AFG1L: variants seen among roughly 807,000 people sequenced by gnomAD.
AFG1L encodes AFG1 like ATPase, also known as AFG1-like ATPase.
A neutral mutation model predicts 62.2 loss-of-function variants in AFG1L; 53 were observed. That is an observed-to-expected ratio of 0.85 (90% confidence interval 0.68 to 1.07). AFG1L has a LOEUF of 1.07. Ranked by LOEUF, AFG1L falls within the 50% of genes least tolerant of loss-of-function variation. The pLI is 0.00. For synonymous variants in AFG1L, 228 were observed against 210.3 expected, an observed-to-expected ratio of 1.08 and a Z score of -0.73; for missense variants, 555 against 590.5, an observed-to-expected ratio of 0.94 and a Z score of 0.62.
chr6:108,347,404 T>C (rs1268225294), intron 3 of AFG1L, among the ~76,000 whole-genome samples: 1 of 152,242 alleles, frequency 6.6e-6, no homozygotes, highest in Non-Finnish European at 1.5e-5. Context: ...CTGTTCTTTT[T>C]TACTTTTAAT....
intron 8 of AFG1L, among the ~76,000 whole-genome samples, chr6:108,459,074 A>G (rs1004165171): frequency 3.3e-5 from 5 of 152,096 alleles, no homozygotes; most frequent in African/African-American, 7.2e-5. Flanking sequence ...AACATGAACT[A>G]TTCCTGGCCA....
At chr6:108,348,010 T>C (rs1217291391) in intron 3 of AFG1L, among the ~76,000 whole-genome samples, 1 of 152,078 alleles carries the variant, frequency 6.6e-6, no homozygotes, top group Non-Finnish European at 1.5e-5. Context: ...GGGGATATTA[T>C]CTTAGTAACA....
rs148889246 is a variant in AFG1L, at chr6:108,339,645, A to G, written c.364-7343A>G. 6.0e-3 allele frequency among the ~76,000 whole-genome samples: 918 copies of G among 152,014 alleles called. 15 individuals carry two copies. The highest frequency in any genetic ancestry group is 0.021 in the African/African-American group (885 of 41,462). ...TGGCTAATTTTTGTATTTTTAGTAG[A>G]AACGGGGTTTCACCATGTTGGCTAG... On this transcript the variant is annotated intron_variant, in intron 2 of 12. Transcript: ENST00000368977.
chr6:108,452,511 T>C (rs1254381071), intron 8 of AFG1L, among the ~76,000 whole-genome samples: 3 of 152,174 alleles, frequency 2.0e-5, no homozygotes, highest in Non-Finnish European at 4.4e-5. Flanking sequence ...ACAAACACTG[T>C]GCCCTCCACA....
chr6:108,525,417 T>C lies in AFG1L; in HGVS notation c.*2992T>C, dbSNP rs1242020018. On this transcript the variant is annotated 3_prime_UTR_variant, in exon 13 of 13. Coordinates refer to ENST00000368977, the MANE Select transcript of AFG1L (RefSeq NM_145315.5). ...CAAATTTATGCATTTTCAGTGGGAC[T>C]TCAAATTTTAATAATAAGGCAATAC... The C allele has an allele frequency of 2.0e-5, 3 of 152,228 alleles. No individual in the cohort carries two copies. Among genetic ancestry groups the C allele is most frequent in the Non-Finnish European group, 2.9e-5 (2 of 68,042 alleles). 9.4% of individuals were successfully genotyped at this position (152,228 alleles called of 1,614,324 possible). A position where few individuals can be genotyped will look rare whatever the true frequency, so the allele number is the denominator to read the frequency against.
intron 7 of AFG1L, among the ~76,000 whole-genome samples, chr6:108,414,641 C>T (rs1782276834): frequency 1.3e-5 from 2 of 152,154 alleles, no homozygotes; most frequent in African/African-American, 4.8e-5. Flanking sequence ...AAAAGTAATC[C>T]ATCACATAAA....
chr6:108,503,945 A>G (rs1377982492), intron 10 of AFG1L, among the ~76,000 whole-genome samples: 1 of 152,134 alleles, frequency 6.6e-6, no homozygotes, highest in Non-Finnish European at 1.5e-5. Context: ...CTGGTTTCCG[A>G]TTTTTCTTCT....
chr6:108,446,984 A>G (rs1643093573), intron 7 of AFG1L, among the ~76,000 whole-genome samples: 1 of 152,220 alleles, frequency 6.6e-6, no homozygotes, highest in African/African-American at 2.4e-5. Context: ...TTCAGAAAAC[A>G]TGATGCAAAT....
intron 8 of AFG1L, among the ~76,000 whole-genome samples, chr6:108,455,398 C>T (rs185618357): frequency 2.2e-3 from 331 of 152,186 alleles, no homozygotes; most frequent in Non-Finnish European, 3.9e-3. Context: ...TTTTTCTGAT[C>T]ATGCTTACTG....
rs564378340 is a variant in AFG1L at position 108,486,214 on chromosome 6, G to A, written c.1062+8922G>A. Reference sequence around the variant, plus strand: ...TTTTTTAAAAAGCTTTAACACTGATGGTTTTTCTATTGCTTACCTGTCAAC... The same window carrying A: ...TTTTTTAAAAAGCTTTAACACTGATAGTTTTTCTATTGCTTACCTGTCAAC... On this transcript the variant is annotated intron_variant, in intron 10 of 12. Coordinates refer to ENST00000368977, the MANE Select transcript of AFG1L (RefSeq NM_145315.5). Among the ~76,000 whole-genome samples, 3 of 152,060 alleles carry A rather than the reference G, an allele frequency of 2.0e-5. No individual in the cohort carries two copies. The South Asian group carries it at 6.2e-4, about 32-fold the overall frequency.
chr6:108,506,107 A>G (rs951294809), intron 10 of AFG1L, among the ~76,000 whole-genome samples: 2 of 152,144 alleles, frequency 1.3e-5, no homozygotes, highest in Non-Finnish European at 2.9e-5. Flanking sequence ...TCCATGGGTA[A>G]TTGGTTCCAG....
At chr6:108,396,555 A>G (rs141900344) in intron 6 of AFG1L, among the ~76,000 whole-genome samples, 586 of 151,988 alleles carry the variant, frequency 3.9e-3, no homozygotes, top group Non-Finnish European at 7.0e-3. Context: ...CAGTGGTGCA[A>G]TCTTGGCTCA....
chr6:108,306,604 A>G (rs1369775352), intron 1 of AFG1L, among the ~76,000 whole-genome samples: 1 of 152,140 alleles, frequency 6.6e-6, no homozygotes, highest in East Asian at 1.9e-4. Flanking sequence ...TATTTCTCCC[A>G]TTCATTCATT....
At chr6:108,391,305 T>G (rs545867274) in intron 6 of AFG1L, among the ~76,000 whole-genome samples, 1 of 152,302 alleles carries the variant, frequency 6.6e-6, no homozygotes, top group Admixed American at 6.5e-5. Context: ...ATTTTTTGAT[T>G]TTTTGATTAT....
intron 10 of AFG1L, among the ~76,000 whole-genome samples, chr6:108,491,102 C>T (rs566985142): frequency 2.6e-5 from 4 of 152,258 alleles, no homozygotes; most frequent in Admixed American, 2.6e-4. Flanking sequence ...GATACACACA[C>T]ACAACCATAT....
chr6:108,342,664 A>C (rs935412164), intron 2 of AFG1L, among the ~76,000 whole-genome samples: 1 of 152,188 alleles, frequency 6.6e-6, no homozygotes, highest in Non-Finnish European at 1.5e-5. Flanking sequence ...AAATAATTTC[A>C]ATAATTATTA....
chr6:108,397,374 C>A (rs1035310020), intron 6 of AFG1L, among the ~76,000 whole-genome samples: 26 of 152,270 alleles, frequency 1.7e-4, no homozygotes, highest in Admixed American at 1.1e-3. Flanking sequence ...GTGATCCACG[C>A]CCCCTTGGCC....
intron 7 of AFG1L, among the ~76,000 whole-genome samples, chr6:108,428,885 TTACTC>T (rs1770941984): frequency 6.6e-6 from 1 of 152,208 alleles, no homozygotes; most frequent in South Asian, 2.1e-4. Flanking sequence ...GGTTGTCTGT[TTACTC>T]TAATGATTAT....
intron 6 of AFG1L, among the ~76,000 whole-genome samples, chr6:108,380,945 C>T (rs914456900): frequency 2.0e-5 from 3 of 152,214 alleles, no homozygotes; most frequent in Admixed American, 1.3e-4. Flanking sequence ...TGGCATTCTC[C>T]TCCGTGGGTT....
Sources: gnomAD v4.1 joint callset for allele counts (sites outside exome capture counted in the v4.1 genomes callset) on GRCh38, gnomAD v4.1.1 for gene constraint, MANE v1.5 for transcripts, NCBI Gene and HGNC (gene_info 2026-07-23, HGNC 2026-07-21) for gene names.